RNF217: variants seen among roughly 807,000 people sequenced by gnomAD.
RNF217 encodes ring finger protein 217, also known as E3 ubiquitin-protein ligase RNF217.
A neutral mutation model predicts 57.8 loss-of-function variants in RNF217; 31 were observed. The observed-to-expected ratio is 0.54, with a 90% CI of 0.40 to 0.72. The LOEUF is 0.72. RNF217 is among the 30% of genes least tolerant of loss of function. The pLI, the probability that RNF217 is intolerant of heterozygous loss-of-function variation, is 0.00. For synonymous variants in RNF217, 313 were observed against 294.0 expected, an observed-to-expected ratio of 1.06 and a Z score of -0.66; for missense variants, 696 against 708.3, an observed-to-expected ratio of 0.98 and a Z score of 0.20.
chr6:125,029,229 C>A lies in RNF217; in HGVS notation c.883-15982C>A, dbSNP rs924171989. Among the ~76,000 whole-genome samples the A allele has an allele frequency of 2.0e-5, 3 of 152,032 alleles. 1 individual carries two copies. The highest frequency in any genetic ancestry group is 2.0e-4 in the Admixed American group (3 of 15,274). ...GTAATATTTTTAAGAGACACTTATA[C>A]CCCTAGAATGAGTTTGTTTTCTCCC... On this transcript the variant is annotated intron_variant, in intron 1 of 5. Coordinates refer to ENST00000521654, the MANE Select transcript of RNF217 (RefSeq NM_001286398.3).
Position 124,998,521 on chromosome 6 carries a change from CA to C in RNF217, c.882+35096del, listed in dbSNP as rs558756973. ...AACATTTAAAAACTGTGTAGAAGGC[CA>C]GGTGCCGTGGCTCAAACCTGTAGTC... On this transcript the variant is annotated intron_variant, in intron 1 of 5. Transcript: ENST00000521654. 8.5e-5 allele frequency among the ~76,000 whole-genome samples: 13 copies of C among 152,166 alleles called. No individual in the cohort carries two copies. The East Asian group carries it at 2.5e-3, about 29-fold the overall frequency.
At position 125,081,459 on chromosome 6, in the gene RNF217, C is replaced by T; in HGVS notation, c.1507C>T (p.Leu503=). The T allele has an allele frequency of 3.1e-6, 5 of 1,611,424 alleles. No individual in the cohort carries two copies. Among genetic ancestry groups the T allele is most frequent in the Non-Finnish European group, 4.2e-6 (5 of 1,178,342 alleles). The part of the protein sequence containing the change: ...VCAGKLFIAP[L]IMVLGLALGA... ...AGCTGGAAAATTATTCATTGCACCT[C>T]TAATTATGGTTTTGGGATTGGCACT... The change falls in exon 5 of 6, where the codon CTA becomes TTA. Residue 503 remains leucine, a synonymous_variant. Transcript: ENST00000521654.
intron 1 of RNF217, among the ~76,000 whole-genome samples, chr6:125,002,852 G>GA (rs1240853662): frequency 6.6e-6 from 1 of 152,116 alleles, no homozygotes; most frequent in African/African-American, 2.4e-5. Context: ...GACTCTTGCA[G>GA]ACTTTATTAG....
At chr6:125,049,319 G>A (rs1446827810) in intron 2 of RNF217, among the ~76,000 whole-genome samples, 1 of 152,006 alleles carries the variant, frequency 6.6e-6, no homozygotes, top group East Asian at 1.9e-4. Context: ...TTTGCCTTAA[G>A]TTTCTCTTTC....
chr6:125,055,671 A>G (rs1787493132), intron 2 of RNF217, among the ~76,000 whole-genome samples: 1 of 152,200 alleles, frequency 6.6e-6, no homozygotes, highest in Non-Finnish European at 1.5e-5. Context: ...AGAATTATGA[A>G]TAATGTCCAA....
chr6:125,036,709 G>A (rs186162726), intron 1 of RNF217, among the ~76,000 whole-genome samples: 39 of 152,024 alleles, frequency 2.6e-4, no homozygotes, highest in African/African-American at 7.5e-4. Flanking sequence ...TGAAGGATAT[G>A]AACAGACACT....
At chr6:124,977,219 A>G (rs534248929) in intron 1 of RNF217, among the ~76,000 whole-genome samples, 1 of 152,342 alleles carries the variant, frequency 6.6e-6, no homozygotes, top group South Asian at 2.1e-4. Context: ...GAAAGTACAA[A>G]TGTACTAGCT....
chr6:125,054,252 T>C (rs1221918272), intron 2 of RNF217, among the ~76,000 whole-genome samples: 1 of 152,154 alleles, frequency 6.6e-6, no homozygotes, highest in East Asian at 1.9e-4. Flanking sequence ...TTAATAGGTT[T>C]AATCCACTGG....
intron 3 of RNF217, among the ~76,000 whole-genome samples, chr6:125,059,981 T>A (rs866327284): frequency 3.9e-5 from 6 of 152,328 alleles, no homozygotes; most frequent in African/African-American, 7.2e-5. Context: ...TCATATTTTA[T>A]GATGTGTTTG....
At chr6:125,047,956 C>T (rs541625514) in intron 2 of RNF217, among the ~76,000 whole-genome samples, 67 of 152,010 alleles carry the variant, frequency 4.4e-4, no homozygotes, top group African/African-American at 1.5e-3. Context: ...AAGAGAAGAT[C>T]GATAACAGAA....
intron 1 of RNF217, among the ~76,000 whole-genome samples, chr6:125,012,668 G>A (rs138817676): frequency 1.2e-3 from 185 of 152,196 alleles, no homozygotes; most frequent in African/African-American, 4.1e-3. Context: ...GTGCTCCTTA[G>A]CATAATATGG....
chr6:125,067,712 T>C (rs1787986445), intron 3 of RNF217, among the ~76,000 whole-genome samples: 1 of 152,198 alleles, frequency 6.6e-6, no homozygotes, highest in East Asian at 1.9e-4. Flanking sequence ...GATATAGGTA[T>C]ATCTGACTAG....
At chr6:125,077,834 A>G (rs968607981) in intron 4 of RNF217, among the ~76,000 whole-genome samples, 1 of 152,026 alleles carries the variant, frequency 6.6e-6, no homozygotes, top group Non-Finnish European at 1.5e-5. Context: ...GAAAATCTTT[A>G]TATCTCTCCT....
At chr6:125,015,913 G>C (rs1043935622) in intron 1 of RNF217, among the ~76,000 whole-genome samples, 1 of 151,984 alleles carries the variant, frequency 6.6e-6, no homozygotes, top group Non-Finnish European at 1.5e-5. Flanking sequence ...TAGCATTTCA[G>C]CAAAAAAAAT....
At chr6:125,051,879 A>G (rs1158853951) in intron 2 of RNF217, among the ~76,000 whole-genome samples, 1 of 151,972 alleles carries the variant, frequency 6.6e-6, no homozygotes, top group Non-Finnish European at 1.5e-5. Context: ...TCAGGGAAGA[A>G]TTTTCCAGTA....
chr6:125,034,070 A>T (rs1786489836), intron 1 of RNF217, among the ~76,000 whole-genome samples: 1 of 151,580 alleles, frequency 6.6e-6, no homozygotes, highest in African/African-American at 2.4e-5. Context: ...AATTTGTTTG[A>T]GTTCATTGTA....
At chr6:125,050,897 A>G (rs1787288317) in intron 2 of RNF217, among the ~76,000 whole-genome samples, 1 of 151,870 alleles carries the variant, frequency 6.6e-6, no homozygotes, top group African/African-American at 2.4e-5. Flanking sequence ...GTTGGCATAG[A>G]TTTATGAGAC....
At chr6:124,985,152 G>A (rs1440988377) in intron 1 of RNF217, among the ~76,000 whole-genome samples, 1 of 152,162 alleles carries the variant, frequency 6.6e-6, no homozygotes, top group Non-Finnish European at 1.5e-5. Context: ...CCAAAAGTCT[G>A]GTGTGTACCA....
chr6:125,009,526 C>T (rs1785340013), intron 1 of RNF217: 1 of 401,540 alleles, frequency 2.5e-6, no homozygotes, highest in Non-Finnish European at 4.4e-6. Context: ...TATCAATGTA[C>T]TCATTTATTA....
Sources: gnomAD v4.1 joint callset for allele counts (sites outside exome capture counted in the v4.1 genomes callset) on GRCh38, gnomAD v4.1.1 for gene constraint, MANE v1.5 for transcripts, NCBI Gene and HGNC (gene_info 2026-07-23, HGNC 2026-07-21) for gene names.